DTHD1: variants seen among roughly 807,000 people sequenced by gnomAD.
The protein encoded by DTHD1 is death domain containing 1, also known as death domain-containing protein 1.
DTHD1 carries 59 observed loss-of-function variants against 74.8 expected under a neutral mutation model. The observed-to-expected ratio is 0.79, with a 90% CI of 0.64 to 0.98. The LOEUF (loss-of-function observed/expected upper bound fraction) is 0.98, where lower values mean the gene tolerates loss of function less well. Among genes scored for constraint, DTHD1 ranks in the 50% least tolerant of loss-of-function variants. The pLI is 0.00. For missense variants in DTHD1, 1,051 were observed against 1,065.4 expected, an observed-to-expected ratio of 0.99 and a Z score of 0.19; for synonymous variants, 365 against 371.1, an observed-to-expected ratio of 0.98 and a Z score of 0.19.
chr4:36,293,678 T>C lies in DTHD1; in HGVS notation c.1371T>C (p.Phe457=). Residue 457 remains phenylalanine (F), a synonymous_variant, in exon 4 of 10, where the codon TTT becomes TTC. Coordinates refer to ENST00000639862, the MANE Select transcript of DTHD1 (RefSeq NM_001170700.3). ...RISLNYPPGV[F]TSPVLVQLKI... is the part of the protein sequence containing the mutation. Reference sequence around the variant, plus strand: ...CCTTAAATTACCCTCCAGGAGTTTTTACCTCTCCAGTGCTGGTGCAGTTAA... The same window carrying C: ...CCTTAAATTACCCTCCAGGAGTTTTCACCTCTCCAGTGCTGGTGCAGTTAA... 6.5e-7 allele frequency: 1 copy of C among 1,538,768 alleles called. No individual in the cohort carries two copies. The highest frequency in any genetic ancestry group is 8.8e-7 in the Non-Finnish European group (1 of 1,138,506).
rs113644075 is a variant in DTHD1, at chr4:36,331,366, C to T, written c.2341-7746C>T. ...AAGCATTGCCATTTGCTTATGGCGA[C>T]GCTTACTTAGTTGAAGTGGTCTATA... is the stretch of plus-strand genomic sequence containing the variant. On this transcript the variant is annotated intron_variant, in intron 8 of 9. Coordinates refer to ENST00000639862, the MANE Select transcript of DTHD1 (RefSeq NM_001170700.3). Among the ~76,000 whole-genome samples the T allele has an allele frequency of 5.8e-3, 889 of 152,076 alleles. 7 individuals carry two copies. Among genetic ancestry groups the T allele is most frequent in the Middle Eastern group, 0.02 (6 of 294 alleles).
In DTHD1 at chr4:36,281,710, C is replaced by T; in HGVS notation, c.-49C>T. 1 of 1,234,608 alleles carries T rather than the reference C, an allele frequency of 8.1e-7. No individual in the cohort carries two copies. The highest frequency in any genetic ancestry group is 1.0e-6 in the Non-Finnish European group (1 of 988,650). 76.5% of individuals were successfully genotyped at this position (1,234,608 alleles called of 1,614,324 possible). ...AATCACAAAGTTTGAATTTGCAAAA[C>T]CTTTAGGCTTTGCTGGCAGGAGAGA... On this transcript the variant is annotated 5_prime_UTR_variant, in exon 1 of 10. Transcript: ENST00000639862.
chr4:36,334,388 T>C (rs1758884889), intron 8 of DTHD1, among the ~76,000 whole-genome samples: 1 of 146,378 alleles, frequency 6.8e-6, no homozygotes, highest in Admixed American at 7.0e-5. Flanking sequence ...TTTCAGAGTC[T>C]CACTCTGTCA....
chr4:36,326,252 AC>A (rs1432584723), intron 8 of DTHD1, among the ~76,000 whole-genome samples: 3 of 150,452 alleles, frequency 2.0e-5, no homozygotes, highest in African/African-American at 7.3e-5. Flanking sequence ...TAACTAAAGC[AC>A]TTTGAATATA....
chr4:36,321,239 C>T (rs959491052), intron 8 of DTHD1, among the ~76,000 whole-genome samples: 5 of 152,110 alleles, frequency 3.3e-5, no homozygotes, highest in African/African-American at 1.2e-4. Flanking sequence ...AGCAGGAGTC[C>T]CCAGTCTCTG....
Position 36,343,483 on chromosome 4 carries a change from T to A in DTHD1, c.2399-19T>A, listed in dbSNP as rs1000190718. 2 of 1,546,312 alleles carry A rather than the reference T, an allele frequency of 1.3e-6. No individual in the cohort carries two copies. Among genetic ancestry groups the A allele is most frequent in the Non-Finnish European group, 1.7e-6 (2 of 1,144,044 alleles). ...CAGGAGAGGGTCCTAACCGTGAGTG[T>A]TCCTCCTGTGCCTGACAGAAGCCCT... On this transcript the variant is annotated intron_variant, in intron 9 of 9. Transcript: ENST00000639862.
At chr4:36,341,853 C>A (rs1759332200) in intron 9 of DTHD1, among the ~76,000 whole-genome samples, 1 of 152,064 alleles carries the variant, frequency 6.6e-6, no homozygotes, top group Admixed American at 6.6e-5. Context: ...CTGGGGGACA[C>A]CAAGGGATCA....
At chr4:36,320,054 T>A (rs6833944) in intron 8 of DTHD1, among the ~76,000 whole-genome samples, 106,791 of 152,096 alleles carry the variant, frequency 0.7, 38,202 homozygotes, top group African/African-American at 0.83. Flanking sequence ...TTTCATGACA[T>A]CCACTTGCTT....
intron 4 of DTHD1, 89 bp from the exon 5 acceptor site, chr4:36,294,706 A>C (rs1444319222): frequency 7.7e-7 from 1 of 1,297,236 alleles, no homozygotes; most frequent in African/African-American, 1.5e-5. Flanking sequence ...ACTATGCTGC[A>C]TAGAATTTTC....
At chr4:36,333,664 G>A (rs768461762) in intron 8 of DTHD1, 4 of 152,322 alleles carry the variant, frequency 2.6e-5, no homozygotes, top group Non-Finnish European at 5.9e-5. Context: ...AACCACAGAT[G>A]TCATCTGGAC....
intron 7 of DTHD1, among the ~76,000 whole-genome samples, chr4:36,313,176 A>G (rs1023983633): frequency 3.3e-5 from 5 of 152,192 alleles, no homozygotes; most frequent in African/African-American, 1.2e-4. Flanking sequence ...TGAGAAGAAA[A>G]TATATTGCTA....
intron 8 of DTHD1, among the ~76,000 whole-genome samples, chr4:36,325,585 A>G (rs994695458): frequency 6.6e-6 from 1 of 152,210 alleles, no homozygotes; most frequent in African/African-American, 2.4e-5. Context: ...ATAGCAAGAA[A>G]AGAACAGAGT....
At chr4:36,285,492 T>C (rs6837060) in intron 2 of DTHD1, among the ~76,000 whole-genome samples, 32,661 of 152,092 alleles carry the variant, frequency 0.21, 3,702 homozygotes, top group Non-Finnish European at 0.25. Context: ...TCAGATTCTC[T>C]AGGAGACCAT....
chr4:36,343,615 C>A lies in DTHD1; in HGVS notation c.2512C>A (p.Leu838Ile), dbSNP rs2109588103. The A allele has an allele frequency of 6.4e-7, 1 of 1,551,922 alleles. No individual in the cohort carries two copies. Among genetic ancestry groups the A allele is most frequent in the Non-Finnish European group, 8.7e-7 (1 of 1,146,982 alleles). The stretch of plus-strand genomic sequence containing the variant: ...CCGTAGCACCATTCAGCTCATCAAA[C>A]TCAAGAACCCTGATGATCTCACAGA... ...LRRSTIQLIK[L>I]KNPDDLTEQI... The change falls in exon 10 of 10, where the codon CTC becomes ATC. Residue 838 changes from leucine (L) to isoleucine (I), a missense_variant. By Grantham distance (5) the Leu-to-Ile change is conservative. Transcript: ENST00000639862.
intron 8 of DTHD1, among the ~76,000 whole-genome samples, chr4:36,317,567 C>T (rs1757805008): frequency 6.6e-6 from 1 of 152,108 alleles, no homozygotes; most frequent in African/African-American, 2.4e-5. Context: ...TTAACTTCCT[C>T]TTTTATTTTT....
At chr4:36,300,280 T>C (rs1056959338) in intron 5 of DTHD1, among the ~76,000 whole-genome samples, 2 of 152,202 alleles carry the variant, frequency 1.3e-5, no homozygotes, top group African/African-American at 2.4e-5. Flanking sequence ...CATCTGCTAC[T>C]TACCTGGGGC....
chr4:36,288,134 T>C (rs1755828449), intron 2 of DTHD1, among the ~76,000 whole-genome samples: 2 of 152,202 alleles, frequency 1.3e-5, no homozygotes, highest in South Asian at 4.1e-4. Flanking sequence ...AGTCTTGCTC[T>C]TTCGCCCAGG....
chr4:36,287,103 T>C (rs1755760028), intron 2 of DTHD1, among the ~76,000 whole-genome samples: 1 of 152,192 alleles, frequency 6.6e-6, no homozygotes, highest in Non-Finnish European at 1.5e-5. Flanking sequence ...CTGTACCCAA[T>C]GTGTAGTCTT....
chr4:36,323,443 G>A (rs760175762), intron 8 of DTHD1, among the ~76,000 whole-genome samples: 1 of 151,918 alleles, frequency 6.6e-6, no homozygotes, highest in Non-Finnish European at 1.5e-5. Flanking sequence ...AGATAAATGA[G>A]ATGATTCTGA....
Sources: gnomAD v4.1 joint callset for allele counts (sites outside exome capture counted in the v4.1 genomes callset) on GRCh38, gnomAD v4.1.1 for gene constraint, MANE v1.5 for transcripts, NCBI Gene and HGNC (gene_info 2026-07-23, HGNC 2026-07-21) for gene names.